The following CA10 variants were observed in gnomAD, a reference collection of about 807,000 sequenced individuals.
CA10 encodes carbonic anhydrase 10 (inactive), also known as carbonic anhydrase-related protein 10.
Under a neutral mutation model 44.2 loss-of-function variants are expected in CA10, and 14 were observed. The ratio of observed to expected loss-of-function variants is 0.32; its 90% CI spans 0.21 to 0.50. The LOEUF is 0.50. Among genes scored for constraint, CA10 ranks in the 20% least tolerant of loss-of-function variants. The pLI is 0.99. For synonymous variants in CA10, 159 were observed against 141.6 expected (o/e 1.12, Z -0.87); for missense variants, 350 against 409.7 (o/e 0.85, Z 1.26).
In CA10 at chr17:51,915,755, G is replaced by A. The variant is rs146982343; in HGVS notation, c.279+15235C>T. The stretch of plus-strand genomic sequence containing the variant: ...TATTGCTATTCATTCCTCCCGGGCC[G>A]TTTTTAGCAGTTCATTTTTTATATC... On this transcript the variant is annotated intron_variant, in intron 3 of 8. Transcript: ENST00000451037. 4.9e-3 allele frequency among the ~76,000 whole-genome samples: 748 copies of A among 152,124 alleles called. 19 individuals are homozygous for A. Among genetic ancestry groups the A allele is most frequent in the Non-Finnish European group, 8.5e-4 (58 of 67,994 alleles).
At chr17:51,653,514 C>A in intron 5 of CA10, 127 bp downstream of exon 5, 1 of 644,010 alleles carries the variant, frequency 1.6e-6, no homozygotes, top group South Asian at 1.8e-5. Context: ...TAAAAGGCAC[C>A]ATCCCATAGT....
intron 1 of CA10, among the ~76,000 whole-genome samples, chr17:52,084,991 G>C (rs1417309921): frequency 6.6e-6 from 1 of 152,170 alleles, no homozygotes; most frequent in African/African-American, 2.4e-5. Flanking sequence ...TAGCCATCCT[G>C]AACCATCATG....
At chr17:51,692,324 C>A (rs186113604) in intron 4 of CA10, among the ~76,000 whole-genome samples, 4 of 147,660 alleles carry the variant, frequency 2.7e-5, no homozygotes, top group African/African-American at 1.0e-4. Context: ...TATAGTAATG[C>A]TACAGTTTGT....
In CA10 at chr17:51,787,498, CT is replaced by C. The variant is rs575519452; in HGVS notation, c.280-39681del. ...GTTTTTTCTATTTTTCTTTTTTTTC[CT>C]TTTTTTTTTTGAGACACCCTCCTCT... On this transcript the variant is annotated intron_variant, in intron 3 of 8. Coordinates refer to ENST00000451037, the MANE Select transcript of CA10 (RefSeq NM_020178.5). 3.2e-3 allele frequency among the ~76,000 whole-genome samples: 466 copies of C among 144,100 alleles called. 3 individuals are homozygous for C. Among genetic ancestry groups the C allele is most frequent in the African/African-American group, 8.6e-3 (341 of 39,652 alleles). 94.5% of individuals were successfully genotyped at this position (144,100 alleles called of 152,430 possible). A position where few individuals can be genotyped will look rare whatever the true frequency, so the allele number is the denominator to read the frequency against.
chr17:51,633,599 T>G lies in CA10; in HGVS notation c.841A>C (p.Ser281Arg). ...ACAGGCCTGAAGTTGTCACTCATGC[T>G]CAGAAAGATCTGAGATGGCTGGTTC... ...SQNQPSQIFL[S>R]MSDNFRPVQP... is the part of the protein sequence containing the mutation. Residue 281 changes from serine to arginine, a missense_variant, in exon 8 of 9, where the codon AGC becomes CGC. Physicochemically the swap from Ser to Arg is moderately radical, Grantham distance 110 (BLOSUM62 -1). Coordinates refer to ENST00000451037, the MANE Select transcript of CA10 (RefSeq NM_020178.5). The G allele has an allele frequency of 3.7e-6, 6 of 1,613,900 alleles. No individual in the cohort carries two copies. Among genetic ancestry groups the G allele is most frequent in the Non-Finnish European group, 5.1e-6 (6 of 1,179,900 alleles).
In CA10 at chr17:51,786,277, C is replaced by T. The variant is rs113123483; in HGVS notation, c.280-38459G>A. On this transcript the variant is annotated intron_variant, in intron 3 of 8. Transcript: ENST00000451037. ...TTTCCAAATATAAGGTCAGGGAGGA[C>T]GCATTGGCTCGTGGCTGTAATCCCA... Among the ~76,000 whole-genome samples, 361 of 151,160 alleles carry T rather than the reference C, an allele frequency of 2.4e-3. 3 individuals are homozygous for T. The highest frequency in any genetic ancestry group is 8.1e-3 in the African/African-American group (331 of 41,090).
At chr17:51,919,506 T>C (rs1412721195) in intron 3 of CA10, among the ~76,000 whole-genome samples, 1 of 151,774 alleles carries the variant, frequency 6.6e-6, no homozygotes, top group African/African-American at 2.4e-5. Flanking sequence ...AAAACTTAGC[T>C]CATGTTTTTT....
chr17:52,052,299 TAA>T (rs149731635), intron 2 of CA10, among the ~76,000 whole-genome samples: 46,732 of 144,916 alleles, frequency 0.32, 8,498 homozygotes, highest in East Asian at 0.68. Flanking sequence ...CTTTTTTTTT[TAA>T]AAAAAAAAAA....
intron 2 of CA10, among the ~76,000 whole-genome samples, chr17:52,005,122 C>G (rs1188349911): frequency 1.3e-5 from 2 of 151,864 alleles, no homozygotes; most frequent in African/African-American, 4.8e-5. Flanking sequence ...GTGAATACCT[C>G]TATAGCACAT....
intron 1 of CA10, among the ~76,000 whole-genome samples, chr17:52,075,921 T>C (rs1987806542): frequency 1.3e-5 from 2 of 152,218 alleles, no homozygotes; most frequent in Admixed American, 6.5e-5. Context: ...TACCCCATTA[T>C]ATGTTCAAAT....
intron 3 of CA10, among the ~76,000 whole-genome samples, chr17:51,782,707 C>T (rs1906111572): frequency 6.6e-6 from 1 of 152,206 alleles, no homozygotes; most frequent in Non-Finnish European, 1.5e-5. Context: ...GAAAGCAATT[C>T]TCAATGCCTG....
At chr17:51,743,631 C>T (rs2143594415) in intron 4 of CA10, among the ~76,000 whole-genome samples, 1 of 152,330 alleles carries the variant, frequency 6.6e-6, no homozygotes, top group Non-Finnish European at 1.5e-5. Context: ...TGCAATTAAT[C>T]TATAGCTCTT....
chr17:51,668,936 G>A (rs192726543), intron 4 of CA10, among the ~76,000 whole-genome samples: 10 of 152,316 alleles, frequency 6.6e-5, no homozygotes, highest in South Asian at 2.1e-4. Flanking sequence ...TGGAGGGGGC[G>A]CCAGGTCCCC....
At chr17:51,660,976 G>A (rs1567793126) in intron 4 of CA10, among the ~76,000 whole-genome samples, 1 of 151,918 alleles carries the variant, frequency 6.6e-6, no homozygotes. Flanking sequence ...TTCACTGTTT[G>A]ACTCCTACTT....
At chr17:51,757,505 C>T (rs1905108300) in intron 3 of CA10, among the ~76,000 whole-genome samples, 1 of 152,238 alleles carries the variant, frequency 6.6e-6, no homozygotes, top group Non-Finnish European at 1.5e-5. Flanking sequence ...AATCAACCCA[C>T]TGAGTGTTTC....
intron 1 of CA10, among the ~76,000 whole-genome samples, chr17:52,136,684 C>A (rs1305870487): frequency 6.6e-6 from 1 of 152,078 alleles, no homozygotes; most frequent in East Asian, 1.9e-4. Context: ...GTTCCCTCTG[C>A]CCCCCTTTCT....
chr17:52,051,785 C>T (rs561541933), intron 2 of CA10, among the ~76,000 whole-genome samples: 2 of 152,142 alleles, frequency 1.3e-5, no homozygotes, highest in Middle Eastern at 3.4e-3. Flanking sequence ...TGAGTATATA[C>T]CCAAAAGGAC....
intron 2 of CA10, among the ~76,000 whole-genome samples, chr17:51,977,742 T>C (rs563883590): frequency 2.0e-5 from 3 of 152,178 alleles, no homozygotes; most frequent in African/African-American, 7.2e-5. Context: ...GGTAAAGCCA[T>C]TGTTGTTTAT....
intron 3 of CA10, among the ~76,000 whole-genome samples, chr17:51,897,349 C>T (rs533480201): frequency 6.6e-6 from 1 of 152,086 alleles, no homozygotes; most frequent in Non-Finnish European, 1.5e-5. Context: ...TTGTTTTTCT[C>T]AACTTTGTAG....
Sources: gnomAD v4.1 joint callset for allele counts (sites outside exome capture counted in the v4.1 genomes callset) on GRCh38, gnomAD v4.1.1 for gene constraint, MANE v1.5 for transcripts, NCBI Gene and HGNC (gene_info 2026-07-23, HGNC 2026-07-21) for gene names.